Variants in GALNT14 observed in about 807,000 individuals in gnomAD.
GALNT14 encodes the protein UDP-GalNAc:polypeptide N-acetylgalactosaminyltransferase 14.
GALNT14 carries 60 observed loss-of-function variants against 77.5 expected under a neutral mutation model. The ratio of observed to expected loss-of-function variants is 0.77; its 90% CI spans 0.63 to 0.96. The LOEUF (loss-of-function observed/expected upper bound fraction) is 0.96. GALNT14 is among the 40% of genes least tolerant of loss of function. The pLI is 0.00. For synonymous variants in GALNT14, 280 were observed against 281.7 expected (o/e 0.99, Z 0.06); for missense variants, 710 against 731.0 (o/e 0.97, Z 0.33).
chr2:31,005,217 C>T (rs1288151621), intron 1 of GALNT14, among the ~76,000 whole-genome samples: 1 of 152,202 alleles, frequency 6.6e-6, no homozygotes, highest in African/African-American at 2.4e-5. Context: ...TTGTTGTTTT[C>T]AACCCAATTT....
chr2:30,890,388 A>C, the GALNT14 span, among the ~76,000 whole-genome samples: 2 of 151,846 alleles, frequency 1.3e-5, no homozygotes, highest in African/African-American at 4.8e-5. Context: ...TCTTGAGAAA[A>C]CCATTCTTCT....
chr2:30,910,778 C>T lies in GALNT14; in HGVS notation c.*123G>A. On this transcript the variant is annotated 3_prime_UTR_variant, in exon 15 of 15. Transcript: ENST00000349752. ...ACAGTTGCTCCTGTCCTGGGGGGCT[C>T]TGCCTCCACCTCCCAGTCCAGGATG... 9.5e-7 allele frequency: 1 copy of T among 1,055,548 alleles called. No homozygotes were observed. Among genetic ancestry groups the T allele is most frequent in the Non-Finnish European group, 1.4e-6 (1 of 734,444 alleles). The allele number at this position is 1,055,548 out of a possible 1,614,324, so 65.4% of individuals were successfully genotyped here.
intron 13 of GALNT14, among the ~76,000 whole-genome samples, chr2:30,916,578 AC>A (rs1317113748): frequency 6.6e-6 from 1 of 151,934 alleles, no homozygotes; most frequent in East Asian, 1.9e-4. Flanking sequence ...CAGCCTTAAA[AC>A]CTTCTGTGCT....
At chr2:31,078,916 A>G in intron 1 of GALNT14, 1 of 1,289,070 alleles carries the variant, frequency 7.8e-7, no homozygotes, top group Non-Finnish European at 1.0e-6. Flanking sequence ...AAGGACTACA[A>G]ATTCAGTTCT....
chr2:31,114,620 C>A, intron 1 of GALNT14: 1 of 621,642 alleles, frequency 1.6e-6, no homozygotes, highest in South Asian at 2.0e-5. Context: ...AAATCAGGGG[C>A]AAAAAGAAAT....
intron 1 of GALNT14, among the ~76,000 whole-genome samples, chr2:31,060,088 G>A (rs985788067): frequency 6.6e-6 from 1 of 152,190 alleles, no homozygotes; most frequent in Admixed American, 6.5e-5. Flanking sequence ...GAGGAAGAAA[G>A]ATGTTATTAG....
intron 2 of GALNT14, among the ~76,000 whole-genome samples, chr2:30,978,514 A>T (rs573063804): frequency 6.6e-6 from 1 of 152,188 alleles, no homozygotes; most frequent in East Asian, 1.9e-4. Context: ...CATCAGGGGG[A>T]TGGTATGATC....
chr2:31,003,898 T>C lies in GALNT14; in HGVS notation c.130-10891A>G, dbSNP rs866233316. ...CCAGGGAAGTCTAAGTCAGCATGAC[T>C]GGGGAAGCGGGCCTGGCTCCCAGGC... On this transcript the variant is annotated intron_variant, in intron 1 of 14. Transcript: ENST00000349752. Among the ~76,000 whole-genome samples the C allele has an allele frequency of 3.9e-5, 6 of 152,212 alleles. No homozygotes were observed. The South Asian group carries it at 8.3e-4, about 21-fold the overall frequency.
intron 1 of GALNT14, among the ~76,000 whole-genome samples, chr2:31,123,181 C>CAA (rs11397679): frequency 0.34 from 32,930 of 96,234 alleles, 6,639 homozygotes; most frequent in East Asian, 0.71. Flanking sequence ...GACTCCATCT[C>CAA]AAAAAAAAAA....
intron 1 of GALNT14, among the ~76,000 whole-genome samples, chr2:31,082,551 C>T (rs1488146955): frequency 1.3e-5 from 2 of 152,142 alleles, no homozygotes; most frequent in Non-Finnish European, 2.9e-5. Flanking sequence ...GTATTCAAGG[C>T]AATTATGCAA....
intron 13 of GALNT14, among the ~76,000 whole-genome samples, chr2:30,914,145 T>A (rs558873853): frequency 6.6e-6 from 1 of 152,178 alleles, no homozygotes; most frequent in African/African-American, 2.4e-5. Flanking sequence ...TTTACACAGA[T>A]TGATTAATTT....
chr2:31,104,630 G>C (rs984597357), intron 1 of GALNT14, among the ~76,000 whole-genome samples: 4 of 152,188 alleles, frequency 2.6e-5, no homozygotes, highest in African/African-American at 9.6e-5. Flanking sequence ...CAGTCTGGAG[G>C]AATTCCTCAG....
chr2:31,025,884 A>G (rs940116555), intron 1 of GALNT14, among the ~76,000 whole-genome samples: 3 of 152,140 alleles, frequency 2.0e-5, no homozygotes, highest in African/African-American at 7.2e-5. Context: ...AGTCTTGAGG[A>G]CTGCAATTTC....
At chr2:31,038,857 T>C (rs540044218) in intron 1 of GALNT14, among the ~76,000 whole-genome samples, 46 of 152,046 alleles carry the variant, frequency 3.0e-4, no homozygotes, top group Non-Finnish European at 4.4e-4. Context: ...GAGATTCTCA[T>C]GCCTCGGCCT....
chr2:31,003,614 C>T (rs1261665686), intron 1 of GALNT14, among the ~76,000 whole-genome samples: 6 of 152,198 alleles, frequency 3.9e-5, no homozygotes, highest in Admixed American at 6.5e-5. Context: ...CCCACCACTT[C>T]GCCCATAAAC....
chr2:31,083,547 C>G (rs1458101072), intron 1 of GALNT14, among the ~76,000 whole-genome samples: 1 of 152,172 alleles, frequency 6.6e-6, no homozygotes, highest in Non-Finnish European at 1.5e-5. Flanking sequence ...TTCAGCTGAG[C>G]TCAAAGGTCC....
intron 3 of GALNT14, 67 bp downstream of exon 3, chr2:30,966,137 G>T: frequency 1.6e-6 from 2 of 1,241,716 alleles, no homozygotes; most frequent in Non-Finnish European, 2.4e-6. Flanking sequence ...TGGGCACCTG[G>T]GGAGCAGACA....
intron 9 of GALNT14, among the ~76,000 whole-genome samples, chr2:30,935,552 G>A (rs531376638): frequency 5.3e-5 from 8 of 152,320 alleles, no homozygotes; most frequent in South Asian, 4.1e-4. Context: ...TTGGAGGCAC[G>A]TGTCTTGACA....
chr2:30,970,571 G>A (rs1188533750), intron 2 of GALNT14, among the ~76,000 whole-genome samples: 4 of 152,094 alleles, frequency 2.6e-5, no homozygotes, highest in Non-Finnish European at 5.9e-5. Context: ...TTTAGAAAAG[G>A]AAAGGACCAT....
Sources: gnomAD v4.1 joint callset for allele counts (sites outside exome capture counted in the v4.1 genomes callset) on GRCh38, gnomAD v4.1.1 for gene constraint, MANE v1.5 for transcripts, NCBI Gene and HGNC (gene_info 2026-07-23, HGNC 2026-07-21) for gene names.